PCDHGA4: variants seen among roughly 807,000 people sequenced by gnomAD.
The protein encoded by PCDHGA4 is protocadherin gamma subfamily A, 4.
In PCDHGA4, 38 loss-of-function variants were observed where a neutral mutation model predicts 54.6. The observed-to-expected ratio is 0.70, with a 90% CI of 0.54 to 0.91. The LOEUF (loss-of-function observed/expected upper bound fraction) is 0.91. Among genes scored for constraint, PCDHGA4 ranks in the 40% least tolerant of loss-of-function variants. The pLI is 0.00. For synonymous variants in PCDHGA4, 511 were observed against 512.9 expected (o/e 1.00, Z 0.05); for missense variants, 1,298 against 1,220.9 (o/e 1.06, Z -0.94).
At chr5:141,470,059 G>A (rs1206799372) in intron 1 of PCDHGA4, among the ~76,000 whole-genome samples, 6 of 152,186 alleles carry the variant, frequency 3.9e-5, no homozygotes, top group African/African-American at 1.4e-4. Context: ...AACCCCGGAG[G>A]CAGAGACTGT....
intron 1 of PCDHGA4, among the ~76,000 whole-genome samples, chr5:141,479,107 G>A (rs1212999480): frequency 6.6e-6 from 1 of 152,090 alleles, no homozygotes; most frequent in Non-Finnish European, 1.5e-5. Flanking sequence ...TTTATTTCAA[G>A]CATTCTACTG....
chr5:141,485,577 G>A lies in PCDHGA4; in HGVS notation c.2515-9230G>A. Reference sequence around the variant, plus strand: ...AATGATCACGCCCCCCGTTTTCCGCGGCAGCAGCTGGACTTGGAAATTGGG... The same window carrying A: ...AATGATCACGCCCCCCGTTTTCCGCAGCAGCAGCTGGACTTGGAAATTGGG... On this transcript the variant is annotated intron_variant, in intron 1 of 3. Transcript: ENST00000571252. This position sits in a 1 kb window ranked among gnomAD's most constrained non-coding sequence, Gnocchi z 5.7. 2 of 1,612,500 alleles carry A rather than the reference G, an allele frequency of 1.2e-6. No individual in the cohort carries two copies. Among genetic ancestry groups the A allele is most frequent in the Non-Finnish European group, 8.5e-7 (1 of 1,178,676 alleles).
At chr5:141,380,735 C>G (rs973708229) in intron 1 of PCDHGA4, among the ~76,000 whole-genome samples, 6 of 152,066 alleles carry the variant, frequency 3.9e-5, no homozygotes, top group Admixed American at 3.3e-4. Flanking sequence ...TTCCTTTTCT[C>G]CAAAGAAGGT....
rs775416808 is a variant in PCDHGA4, at chr5:141,429,727, G to A, written c.2515-65080G>A. ...TAAATATTTACGCTCATGAAAGTAC[G>A]TAGCCAGTTATTTCTTAGGGAGAAT... On this transcript the variant is annotated intron_variant, in intron 1 of 3. Transcript: ENST00000571252. 7.2e-5 allele frequency among the ~76,000 whole-genome samples: 11 copies of A among 152,158 alleles called. 1 individual carries two copies. The highest frequency in any genetic ancestry group is 1.9e-4 in the East Asian group (1 of 5,188).
chr5:141,398,586 A>G, intron 1 of PCDHGA4: 2 of 1,614,054 alleles, frequency 1.2e-6, no homozygotes, highest in Non-Finnish European at 1.7e-6. Flanking sequence ...CAAGATTTAT[A>G]CTAGAAGTAG....
At chr5:141,451,050 G>A (rs915545429) in intron 1 of PCDHGA4, among the ~76,000 whole-genome samples, 6 of 151,352 alleles carry the variant, frequency 4.0e-5, no homozygotes, top group South Asian at 4.2e-4. Flanking sequence ...GGCTGGTCTC[G>A]AACTCCTGAC....
At chr5:141,510,795 G>A in intron 3 of PCDHGA4, 152 bp from the exon 4 acceptor site, 6 of 1,465,214 alleles carry the variant, frequency 4.1e-6, no homozygotes, top group Non-Finnish European at 5.5e-6. Context: ...CTTGTGAAGA[G>A]AGACTACCTT....
intron 1 of PCDHGA4, among the ~76,000 whole-genome samples, chr5:141,456,083 G>A (rs2098842632): frequency 6.6e-6 from 1 of 151,960 alleles, no homozygotes; most frequent in South Asian, 2.1e-4. Context: ...ATTTTCAGTA[G>A]AGACGGGATT....
intron 1 of PCDHGA4, chr5:141,403,034 G>T (rs1589474195): frequency 1.9e-6 from 3 of 1,614,096 alleles, no homozygotes; most frequent in East Asian, 2.2e-5. Flanking sequence ...GGAGGCCAGG[G>T]CCAGTCAGAT....
Position 141,476,129 on chromosome 5 carries a change from G to A in PCDHGA4, c.2515-18678G>A. ...GCTTTTGAGTGAGATGGTCCCAGAG[G>A]CCTGGAGGAGCGGACTGGTAAGCAC... On this transcript the variant is annotated intron_variant, in intron 1 of 3. Transcript: ENST00000571252. This position sits in a 1 kb window ranked among gnomAD's most constrained non-coding sequence, Gnocchi z 7.6. The A allele has an allele frequency of 6.2e-7, 1 of 1,606,848 alleles. No homozygotes were observed. The highest frequency in any genetic ancestry group is 8.5e-7 in the Non-Finnish European group (1 of 1,177,814).
chr5:141,425,013 G>T (rs1666336437), intron 1 of PCDHGA4, among the ~76,000 whole-genome samples: 1 of 152,108 alleles, frequency 6.6e-6, no homozygotes, highest in Non-Finnish European at 1.5e-5. Flanking sequence ...TCTCATTTAG[G>T]AATTTACCTT....
chr5:141,419,315 C>A lies in PCDHGA4; in HGVS notation c.2514+61694C>A, dbSNP rs2096357855. ...TGACCCAGACTTCGGGCTCAACGGC[C>A]GTGTCTCCTACTCTCTCATTGCCAG... On this transcript the variant is annotated intron_variant, in intron 1 of 3. Transcript: ENST00000571252. 3 of 1,613,880 alleles carry A rather than the reference C, an allele frequency of 1.9e-6. No homozygotes were observed. Among genetic ancestry groups the A allele is most frequent in the Non-Finnish European group, 2.5e-6 (3 of 1,179,910 alleles).
At chr5:141,466,871 T>C (rs1432611218) in intron 1 of PCDHGA4, among the ~76,000 whole-genome samples, 2 of 152,166 alleles carry the variant, frequency 1.3e-5, no homozygotes, top group African/African-American at 4.8e-5. Flanking sequence ...ATCCACACAT[T>C]TTTTTCATAA....
At chr5:141,365,327 G>T in intron 1 of PCDHGA4, 1 of 1,613,998 alleles carries the variant, frequency 6.2e-7, no homozygotes, top group East Asian at 2.2e-5. Flanking sequence ...CAGCGCTAAG[G>T]TGGTGGTCAC....
At chr5:141,504,990 C>T (rs1056476591) in intron 2 of PCDHGA4, among the ~76,000 whole-genome samples, 3 of 151,976 alleles carry the variant, frequency 2.0e-5, no homozygotes, top group Non-Finnish European at 2.9e-5. Context: ...GGTGAAACCC[C>T]GTCTGTACTA....
At position 141,414,131 on chromosome 5, in the gene PCDHGA4, A is replaced by G. The variant is rs977911874; in HGVS notation, c.2514+56510A>G. 1.9e-6 allele frequency: 3 copies of G among 1,594,622 alleles called. No homozygotes were observed. The highest frequency in any genetic ancestry group is 2.7e-5 in the African/African-American group (2 of 74,402). The stretch of plus-strand genomic sequence containing the variant: ...CTAGATTATGAAGAAACCGGTTTCT[A>G]TGAAATAGAAATACAAGCAGAAGAT... On this transcript the variant is annotated intron_variant, in intron 1 of 3. Transcript: ENST00000571252.
rs994740663 is a variant in PCDHGA4, at chr5:141,477,022, G to T, written c.2515-17785G>T. ...TATTCGCCTTAGACCTTGTAACCGG[G>T]ATGCTGACAATCAAGGGTCGGCTGG... On this transcript the variant is annotated intron_variant, in intron 1 of 3. Transcript: ENST00000571252. The surrounding 1 kb of genome is among the most constrained non-coding windows in gnomAD (Gnocchi z 4.9). 6.2e-7 allele frequency: 1 copy of T among 1,614,240 alleles called. No homozygotes were observed. Among genetic ancestry groups the T allele is most frequent in the African/African-American group, 1.3e-5 (1 of 75,074 alleles).
At position 141,490,857 on chromosome 5, in the gene PCDHGA4, C is replaced by G; in HGVS notation, c.2515-3950C>G. 6.2e-7 allele frequency: 1 copy of G among 1,613,832 alleles called. No homozygotes were observed. Among genetic ancestry groups the G allele is most frequent in the Admixed American group, 1.7e-5 (1 of 60,012 alleles). On this transcript the variant is annotated intron_variant, in intron 1 of 3. Coordinates refer to ENST00000571252, the MANE Select transcript of PCDHGA4 (RefSeq NM_018917.4). The surrounding 1 kb of genome is among the most constrained non-coding windows in gnomAD (Gnocchi z 5.4). ...AGATTGTGGTGGGGGTTCGAGACTCCGGCTCTCCCCCATTGCATGCCAACA... is the reference window on the plus strand; with the variant it reads ...AGATTGTGGTGGGGGTTCGAGACTCGGGCTCTCCCCCATTGCATGCCAACA...
At chr5:141,379,378 A>G (rs1775559732) in intron 1 of PCDHGA4, 1 of 152,234 alleles carries the variant, frequency 6.6e-6, no homozygotes, top group African/African-American at 2.4e-5. Flanking sequence ...TTGATAAAAT[A>G]ACAATTTTAA....
Sources: gnomAD v4.1 joint callset for allele counts (sites outside exome capture counted in the v4.1 genomes callset) on GRCh38, gnomAD v4.1.1 for gene constraint, Gnocchi (gnomAD v3.1) non-coding constraint, MANE v1.5 for transcripts, NCBI Gene and HGNC (gene_info 2026-07-23, HGNC 2026-07-21) for gene names.